The following RAI1 variants were observed in gnomAD, a reference collection of about 807,000 sequenced individuals.
RAI1 encodes the protein retinoic acid induced 1.
A neutral mutation model predicts 123.8 loss-of-function variants in RAI1; 9 were observed. That is an observed-to-expected ratio of 0.07 (90% CI 0.04 to 0.13). The LOEUF (loss-of-function observed/expected upper bound fraction) is 0.13, where lower values mean the gene tolerates loss of function less well. RAI1 is among the 10% of genes least tolerant of loss of function. The probability of loss-of-function intolerance (pLI) is 1.00; values close to 1 mark genes in which losing one functional copy is unlikely to be tolerated. For synonymous variants in RAI1, 1,231 were observed against 1,127.3 expected (o/e 1.09, Z -1.84); for missense variants, 2,256 against 2,545.8 (o/e 0.89, Z 2.45).
chr17:17,805,457 C>T (rs980933554), intron 4 of RAI1, among the ~76,000 whole-genome samples: 2 of 152,170 alleles, frequency 1.3e-5, no homozygotes, highest in African/African-American at 4.8e-5. Context: ...AAGTCATAAC[C>T]CACCTCCCAG....
At chr17:17,682,285 G>A (rs1325337834) in intron 1 of RAI1, among the ~76,000 whole-genome samples, 1 of 151,728 alleles carries the variant, frequency 6.6e-6, no homozygotes, top group Admixed American at 6.6e-5. Context: ...TGGGAGTCAG[G>A]GCCGGCGAAG....
chr17:17,743,540 A>G (rs1237836428), intron 2 of RAI1, among the ~76,000 whole-genome samples: 1 of 152,224 alleles, frequency 6.6e-6, no homozygotes, highest in Non-Finnish European at 1.5e-5. Context: ...CACTGCTGGT[A>G]TCCAGCCTCC....
At chr17:17,807,197 G>T (rs1307211141) in intron 4 of RAI1, among the ~76,000 whole-genome samples, 3 of 151,048 alleles carry the variant, frequency 2.0e-5, no homozygotes, top group Non-Finnish European at 3.0e-5. Flanking sequence ...CGGGGAGGAC[G>T]GGCGCTTGGG....
rs919984060 is a variant in RAI1, at chr17:17,796,752, C to G, written c.3804C>G (p.Thr1268=). Residue 1268 remains threonine, a synonymous_variant, in exon 3 of 6, where the codon ACC becomes ACG. Coordinates refer to ENST00000353383, the MANE Select transcript of RAI1 (RefSeq NM_030665.4). This position sits in a 1 kb window ranked among gnomAD's most constrained non-coding sequence, Gnocchi z 5.8. ...AGGAGAGGCCTGAGGGTTCCCCCAC[C>G]CTCTTCAAGAGGATGTCTTCTCCCA... ...GKEERPEGSP[T]LFKRMSSPKK... The G allele has an allele frequency of 9.9e-6, 16 of 1,613,272 alleles. No individual in the cohort carries two copies. In the East Asian group the frequency reaches 3.6e-4, roughly 36 times the overall value.
At chr17:17,686,671 G>A (rs964235285) in intron 1 of RAI1, among the ~76,000 whole-genome samples, 1 of 151,642 alleles carries the variant, frequency 6.6e-6, no homozygotes, top group Non-Finnish European at 1.5e-5. Flanking sequence ...GAGAGGTGGA[G>A]TGGGGGTGGA....
chr17:17,794,207 A>G lies in RAI1; in HGVS notation c.1259A>G (p.Asp420Gly). 1 of 1,613,600 alleles carries G rather than the reference A, an allele frequency of 6.2e-7. No homozygotes were observed. Among genetic ancestry groups the G allele is most frequent in the Non-Finnish European group, 8.5e-7 (1 of 1,180,042 alleles). The change falls in exon 3 of 6, where the codon GAC (aspartate) becomes GGC (glycine). Residue 420 changes from aspartate (D) to glycine (G), a missense_variant. Asp to Gly is a moderately conservative substitution (Grantham distance 94). Coordinates refer to ENST00000353383, the MANE Select transcript of RAI1 (RefSeq NM_030665.4). ...GGCAACTGCAAGCCCCTTCAGAAGG[A>G]CAAGCTCCCTGAGAACCTGCTGTCG... ...QAGNCKPLQK[D>G]KLPENLLSDL...
At chr17:17,719,843 A>G (rs1330018100) in intron 1 of RAI1, among the ~76,000 whole-genome samples, 2 of 152,164 alleles carry the variant, frequency 1.3e-5, no homozygotes, top group South Asian at 2.1e-4. Context: ...AGGCTGACTG[A>G]TGGGGCGGGG....
rs748280748 is a variant in RAI1, at chr17:17,793,791, G to A, written c.843G>A (p.Gln281=). The A allele has an allele frequency of 6.4e-6, 6 of 933,008 alleles. No individual in the cohort carries two copies. The South Asian group carries it at 2.2e-4, about 34-fold the overall frequency. 57.8% of individuals were successfully genotyped at this position (933,008 alleles called of 1,614,324 possible). ...SGRLSYDQQQ[Q]QQQQQQQQQQ... Reference sequence around the variant, plus strand: ...GCCTCAGCTATGACCAGCAGCAGCAGCAGCAGCAGCAGCAGCAGCAGCAGC... The same window carrying A: ...GCCTCAGCTATGACCAGCAGCAGCAACAGCAGCAGCAGCAGCAGCAGCAGC... The change falls in exon 3 of 6, where the codon CAG becomes CAA. Residue 281 remains glutamine, a synonymous_variant. Transcript: ENST00000353383.
chr17:17,745,405 T>TTGTGTGTG (rs112938506), intron 2 of RAI1, among the ~76,000 whole-genome samples: 7 of 147,654 alleles, frequency 4.7e-5, no homozygotes, highest in East Asian at 2.0e-4. Flanking sequence ...TTGAAGGCTT[T>TTGTGTGTG]TGTGTGTGTG....
chr17:17,747,272 TG>T (rs60634713), intron 2 of RAI1, among the ~76,000 whole-genome samples: 2,187 of 152,266 alleles, frequency 0.014, 36 homozygotes, highest in South Asian at 0.033. Flanking sequence ...CCCAAACCCC[TG>T]GGGCTGCCTG....
chr17:17,798,250 C>T lies in RAI1; in HGVS notation c.5302C>T (p.Pro1768Ser), dbSNP rs1372075934. Residue 1768 changes from proline (P) to serine (S), a missense_variant, in exon 3 of 6, where the codon CCA (proline) becomes TCA (serine). Pro to Ser is a moderately conservative substitution (Grantham distance 74, BLOSUM62 -1). Around this residue, in one of 7 missense-constraint regions of RAI1, gnomAD observed 243 missense variants for 316.6 expected, o/e 0.77. Transcript: ENST00000353383. ...CCCAGCTGACCCGGCCAAGCAGGGC[C>T]CACTGCGCACCAGTGCCCGGGGCCT... is the stretch of plus-strand genomic sequence containing the variant. Reference protein sequence around the residue: ...DGPADPAKQGPLRTSARGLSR... With the variant: ...DGPADPAKQGSLRTSARGLSR... 6.2e-7 allele frequency: 1 copy of T among 1,606,652 alleles called. No homozygotes were observed. The highest frequency in any genetic ancestry group is 8.5e-7 in the Non-Finnish European group (1 of 1,176,664).
chr17:17,782,589 C>G (rs1414897669), intron 2 of RAI1, among the ~76,000 whole-genome samples: 1 of 136,048 alleles, frequency 7.4e-6, no homozygotes, highest in East Asian at 2.3e-4. Flanking sequence ...TCATTATTTA[C>G]GAGCGTTAAT....
chr17:17,800,180 G>GTCTCTCTCTGTCTCTCTCTCTCTCTC lies in RAI1; in HGVS notation c.5565+1676_5565+1677insGTCTCTCTCTCTCTCTCTCTCTCTCT, dbSNP rs1555566532. Among the ~76,000 whole-genome samples the GTCTCTCTCTGTCTCTCTCTCTCTCTC allele has an allele frequency of 1.5e-4, 17 of 116,370 alleles. No individual in the cohort carries two copies. Among genetic ancestry groups the GTCTCTCTCTGTCTCTCTCTCTCTCTC allele is most frequent in the Non-Finnish European group, 2.3e-4 (12 of 51,134 alleles). The allele number at this position is 116,370 out of a possible 152,430, so 76.3% of individuals were successfully genotyped here. On this transcript the variant is annotated intron_variant, in intron 3 of 5. Coordinates refer to ENST00000353383, the MANE Select transcript of RAI1 (RefSeq NM_030665.4). The surrounding 1 kb of genome is among the most constrained non-coding windows in gnomAD (Gnocchi z 4.7). The stretch of plus-strand genomic sequence containing the variant: ...TCTCTCCTGCTTTCTGTCTCTCTCT[G>GTCTCTCTCTGTCTCTCTCTCTCTCTC]TCTCTCTCTCTCTCTCTCTCTCTCT...
In RAI1 at chr17:17,799,533, C is replaced by T. The variant is rs1285638211; in HGVS notation, c.5565+1020C>T. Among the ~76,000 whole-genome samples, 3 of 152,172 alleles carry T rather than the reference C, an allele frequency of 2.0e-5. No homozygotes were observed. The highest frequency in any genetic ancestry group is 1.9e-4 in the East Asian group (1 of 5,204). ...CCTCATCCAGACTTCCGTGGAGTGACGCTCCCGGCTCTCAGCGCTGTGTGG... is the reference window on the plus strand; with the variant it reads ...CCTCATCCAGACTTCCGTGGAGTGATGCTCCCGGCTCTCAGCGCTGTGTGG... On this transcript the variant is annotated intron_variant, in intron 3 of 5. Transcript: ENST00000353383. This position sits in a 1 kb window ranked among gnomAD's most constrained non-coding sequence, Gnocchi z 4.5.
intron 2 of RAI1, among the ~76,000 whole-genome samples, chr17:17,727,792 TG>T: frequency 6.6e-6 from 1 of 152,042 alleles, no homozygotes; most frequent in South Asian, 2.1e-4. Flanking sequence ...AGGAGTGGTG[TG>T]GGGGATGGGG....
At chr17:17,737,430 A>C (rs1484720324) in intron 2 of RAI1, among the ~76,000 whole-genome samples, 1 of 152,110 alleles carries the variant, frequency 6.6e-6, no homozygotes, top group Non-Finnish European at 1.5e-5. Context: ...CCCTGGCCCA[A>C]AACCCTGGCC....
intron 2 of RAI1, among the ~76,000 whole-genome samples, chr17:17,733,965 C>T (rs1018132668): frequency 2.6e-5 from 4 of 152,140 alleles, no homozygotes; most frequent in Non-Finnish European, 4.4e-5. Context: ...CCTGGGACCA[C>T]GTGTACGTTC....
At chr17:17,705,921 G>A (rs1392043951) in intron 1 of RAI1, among the ~76,000 whole-genome samples, 1 of 151,364 alleles carries the variant, frequency 6.6e-6, no homozygotes, top group African/African-American at 2.4e-5. Context: ...CTACTCGGGA[G>A]GCTGAGGCAG....
chr17:17,694,985 TG>T (rs1409968968), intron 1 of RAI1, among the ~76,000 whole-genome samples: 1 of 151,854 alleles, frequency 6.6e-6, no homozygotes, highest in African/African-American at 2.4e-5. Context: ...CCTGGATGTT[TG>T]GGGATAATGA....
Sources: allele counts gnomAD v4.1 joint callset (sites outside exome capture counted in the v4.1 genomes callset), GRCh38; gene constraint gnomAD v4.1.1; regional missense constraint gnomAD v4.1.1; non-coding constraint Gnocchi (gnomAD v3.1); transcripts MANE v1.5; gene names NCBI Gene and HGNC (gene_info 2026-07-23, HGNC 2026-07-21).